The following PTPRU variants were observed in gnomAD, a reference collection of about 807,000 sequenced individuals.
PTPRU encodes receptor-type tyrosine-protein phosphatase U.
PTPRU carries 69 observed loss-of-function variants against 166.3 expected under a neutral mutation model. That is an observed-to-expected ratio of 0.41 (90% CI 0.34 to 0.51). PTPRU has a LOEUF of 0.51. Among genes scored for constraint, PTPRU ranks in the 20% least tolerant of loss-of-function variants. The pLI is 0.09. For synonymous variants in PTPRU, 793 were observed against 814.0 expected (o/e 0.97, Z 0.44); for missense variants, 1,657 against 2,013.7 (o/e 0.82, Z 3.39).
chr1:29,312,747 T>A, intron 22 of PTPRU, 41 bp downstream of exon 22: 1 of 1,571,632 alleles, frequency 6.4e-7, no homozygotes, highest in South Asian at 1.1e-5. Flanking sequence ...GGGGCCCTTC[T>A]CCCTGGGAAT....
At chr1:29,284,954 G>GCTCT in intron 14 of PTPRU, 85 bp downstream of exon 14, 2 of 1,493,362 alleles carry the variant, frequency 1.3e-6, no homozygotes, top group Non-Finnish European at 1.8e-6. Flanking sequence ...CTAAGAGCTG[G>GCTCT]TAGGGCAGCT....
chr1:29,271,184 G>A lies in PTPRU; in HGVS notation c.1145-4264G>A, dbSNP rs1026052694. On this transcript the variant is annotated intron_variant, in intron 7 of 29. Coordinates refer to ENST00000373779, the MANE Select transcript of PTPRU (RefSeq NM_133178.4). This position sits in a 1 kb window ranked among gnomAD's most constrained non-coding sequence, Gnocchi z 4.4. ...AATGTGCATTTTGACCTCTGATCTC[G>A]GAGTGACCTGTAGCCCTGTGTAATT... is the stretch of plus-strand genomic sequence containing the variant. 2.6e-5 allele frequency among the ~76,000 whole-genome samples: 4 copies of A among 152,180 alleles called. No homozygotes were observed. The highest frequency in any genetic ancestry group is 2.1e-4 in the South Asian group (1 of 4,824).
chr1:29,274,923 G>T (rs1685725892), intron 7 of PTPRU, among the ~76,000 whole-genome samples: 1 of 151,742 alleles, frequency 6.6e-6, no homozygotes, highest in Non-Finnish European at 1.5e-5. Flanking sequence ...GGTGGTGTAC[G>T]CCTGTAATCC....
At chr1:29,295,760 C>G (rs990084888) in intron 15 of PTPRU, among the ~76,000 whole-genome samples, 2 of 152,050 alleles carry the variant, frequency 1.3e-5, no homozygotes, top group Admixed American at 1.3e-4. Context: ...AATCTCAGCT[C>G]ACTCCAACCT....
At chr1:29,249,884 T>C (rs768206203) in intron 1 of PTPRU, among the ~76,000 whole-genome samples, 1 of 152,168 alleles carries the variant, frequency 6.6e-6, no homozygotes, top group African/African-American at 2.4e-5. Context: ...GGCTTCTCAA[T>C]TCAAAATGAG....
chr1:29,285,592 C>T (rs538266697), intron 14 of PTPRU, among the ~76,000 whole-genome samples: 4 of 152,346 alleles, frequency 2.6e-5, no homozygotes, highest in Non-Finnish European at 5.9e-5. Context: ...CTCTAGGAAT[C>T]TTAGGCTTTA....
chr1:29,307,087 G>T (rs374635512), intron 18 of PTPRU: 24 of 1,608,592 alleles, frequency 1.5e-5, no homozygotes, highest in African/African-American at 4.0e-5. Flanking sequence ...CCTAATATCT[G>T]TCTCTTTTGC....
At chr1:29,303,529 G>A (rs1181895929) in intron 15 of PTPRU, among the ~76,000 whole-genome samples, 4 of 151,910 alleles carry the variant, frequency 2.6e-5, no homozygotes, top group East Asian at 3.8e-4. Flanking sequence ...TGGGCTCTGC[G>A]GAGTGCTGCC....
At chr1:29,258,420 A>C (rs1347794419) in intron 2 of PTPRU, 85 bp from the exon 3 acceptor site, 4 of 1,451,384 alleles carry the variant, frequency 2.8e-6, no homozygotes, top group Non-Finnish European at 3.7e-6. Context: ...CGTTGCCTGG[A>C]GTCCTCCTCA....
intron 7 of PTPRU, among the ~76,000 whole-genome samples, chr1:29,273,668 G>A (rs1685672602): frequency 1.3e-5 from 2 of 152,196 alleles, no homozygotes; most frequent in South Asian, 4.1e-4. Context: ...CTCCCAAAGT[G>A]TTGGGATTAC....
chr1:29,287,496 G>A (rs929999396), intron 14 of PTPRU, among the ~76,000 whole-genome samples: 47 of 152,126 alleles, frequency 3.1e-4, no homozygotes, highest in African/African-American at 9.4e-4. Flanking sequence ...TGAGGTGTAG[G>A]GAGGAGTGGT....
At chr1:29,297,052 G>GTT (rs35789721) in intron 15 of PTPRU, among the ~76,000 whole-genome samples, 2,955 of 111,354 alleles carry the variant, frequency 0.027, 154 homozygotes, top group East Asian at 0.061. Flanking sequence ...CTTAGTAGCT[G>GTT]TTTTTTTTTT....
chr1:29,277,972 C>G (rs1410655765), intron 8 of PTPRU, among the ~76,000 whole-genome samples: 1 of 151,868 alleles, frequency 6.6e-6, no homozygotes, highest in Non-Finnish European at 1.5e-5. Flanking sequence ...GCACCTACCA[C>G]TACGCCGGCT....
In PTPRU at chr1:29,311,581, G is replaced by A. The variant is rs1441075918; in HGVS notation, c.2955+28G>A. Reference sequence around the variant, plus strand: ...AAGCCGGGCTGTGGGGCGAGCTGGGGCGCATGGCAGGCCAAGGGGGCAGCA... The same window carrying A: ...AAGCCGGGCTGTGGGGCGAGCTGGGACGCATGGCAGGCCAAGGGGGCAGCA... On this transcript the variant is annotated intron_variant, in intron 20 of 29. Transcript: ENST00000373779. This position sits in a 1 kb window ranked among gnomAD's most constrained non-coding sequence, Gnocchi z 4.1. 6.2e-7 allele frequency: 1 copy of A among 1,614,026 alleles called. No individual in the cohort carries two copies. Among genetic ancestry groups the A allele is most frequent in the Non-Finnish European group, 8.5e-7 (1 of 1,179,994 alleles).
chr1:29,295,709 C>T (rs981483426), intron 15 of PTPRU, among the ~76,000 whole-genome samples: 61 of 151,020 alleles, frequency 4.0e-4, no homozygotes, highest in Admixed American at 3.6e-3. Context: ...TTTTGTGAGA[C>T]GGAGTCTCAC....
rs34153386 is a variant in PTPRU, at chr1:29,252,271, C to CTT, written c.74-2991_74-2990dup. ...CTGGGTGTGTTTTTCTTTTTTCTTT[C>CTT]TTTTTTTTTTTTTTGAGACAGAGTC... On this transcript the variant is annotated intron_variant, in intron 1 of 29. Transcript: ENST00000373779. Among the ~76,000 whole-genome samples the CTT allele has an allele frequency of 2.2e-3, 298 of 135,690 alleles. 1 individual carries two copies. Among genetic ancestry groups the CTT allele is most frequent in the Middle Eastern group, 7.5e-3 (2 of 268 alleles). The allele number at this position is 135,690 out of a possible 152,430, so 89.0% of individuals were successfully genotyped here.
In PTPRU at chr1:29,317,766, C is replaced by T; in HGVS notation, c.3532C>T (p.Pro1178Ser). 6.2e-7 allele frequency: 1 copy of T among 1,610,434 alleles called. No individual in the cohort carries two copies. The highest frequency in any genetic ancestry group is 8.5e-7 in the Non-Finnish European group (1 of 1,179,790). ...EEFQTLNSVTPPLDVEECSIA... is the reference protein window; with the variant it reads ...EEFQTLNSVTSPLDVEECSIA... Reference sequence around the variant, plus strand: ...CCTGTAGACGCTGAACTCGGTCACCCCGCCGCTGGACGTGGAGGAGTGCAG... The same window carrying T: ...CCTGTAGACGCTGAACTCGGTCACCTCGCCGCTGGACGTGGAGGAGTGCAG... The change falls in exon 25 of 30, where the codon CCG becomes TCG. Residue 1178 changes from proline to serine, a missense_variant. Physicochemically the swap from Pro to Ser is moderately conservative, Grantham distance 74 (BLOSUM62 -1). Coordinates refer to ENST00000373779, the MANE Select transcript of PTPRU (RefSeq NM_133178.4). This position sits in a 1 kb window ranked among gnomAD's most constrained non-coding sequence, Gnocchi z 5.6.
At chr1:29,241,879 C>A (rs535115236) in intron 1 of PTPRU, among the ~76,000 whole-genome samples, 6 of 148,366 alleles carry the variant, frequency 4.0e-5, no homozygotes, top group African/African-American at 1.5e-4. Flanking sequence ...AGGCGTGAAC[C>A]ACAGCGCACG....
At position 29,317,886 on chromosome 1, in the gene PTPRU, G is replaced by A. The variant is rs766495555; in HGVS notation, c.3652G>A (p.Asp1218Asn). Residue 1218 changes from aspartate to asparagine, a missense_variant, in exon 25 of 30, where the codon GAC becomes AAC. Coordinates refer to ENST00000373779, the MANE Select transcript of PTPRU (RefSeq NM_133178.4). The surrounding 1 kb of genome is among the most constrained non-coding windows in gnomAD (Gnocchi z 5.6). ...GCCCTTCCTCATCTCCACTGATGGG[G>A]ACTCCAACAACTACATTAATGCAGC... ...CLPFLISTDG[D>N]SNNYINAALT... 1 of 1,614,014 alleles carries A rather than the reference G, an allele frequency of 6.2e-7. No homozygotes were observed. The highest frequency in any genetic ancestry group is 8.5e-7 in the Non-Finnish European group (1 of 1,180,016).
Sources: allele counts gnomAD v4.1 joint callset (sites outside exome capture counted in the v4.1 genomes callset), GRCh38; gene constraint gnomAD v4.1.1; non-coding constraint Gnocchi (gnomAD v3.1); transcripts MANE v1.5; gene names NCBI Gene and HGNC (gene_info 2026-07-23, HGNC 2026-07-21).